NETO2: variants seen among roughly 807,000 people sequenced by gnomAD.
NETO2 encodes the protein neuropilin and tolloid-like protein 2.
Under a neutral mutation model 62.5 loss-of-function variants are expected in NETO2, and 28 were observed. The observed-to-expected ratio is 0.45, with a 90% CI of 0.33 to 0.61. The LOEUF is 0.61. NETO2 is among the 20% of genes least tolerant of loss of function. The pLI is 0.02. For missense variants in NETO2, 548 were observed against 643.2 expected (o/e 0.85, Z 1.60); for synonymous variants, 214 against 219.1 (o/e 0.98, Z 0.21).
At chr16:47,111,671 T>C (rs1896929640) in intron 6 of NETO2, among the ~76,000 whole-genome samples, 1 of 152,166 alleles carries the variant, frequency 6.6e-6, no homozygotes, top group South Asian at 2.1e-4. Flanking sequence ...TGGTTTCTTT[T>C]TCCCTCCCCT....
At chr16:47,086,432 T>G in intron 7 of NETO2, 93 bp from the exon 8 acceptor site, 1 of 755,074 alleles carries the variant, frequency 1.3e-6, no homozygotes, top group Non-Finnish European at 2.3e-6. Context: ...AGTACTTTCT[T>G]ACCGCAAAGG....
chr16:47,141,244 G>C (rs138850945), intron 1 of NETO2, among the ~76,000 whole-genome samples: 66 of 152,266 alleles, frequency 4.3e-4, no homozygotes, highest in African/African-American at 1.5e-3. Context: ...CAAGGCTTCT[G>C]TGGGTAATAT....
At chr16:47,089,746 T>G (rs1963274486) in intron 7 of NETO2, among the ~76,000 whole-genome samples, 1 of 152,194 alleles carries the variant, frequency 6.6e-6, no homozygotes, top group African/African-American at 2.4e-5. Context: ...AATTAGCTAG[T>G]GCACCTACTT....
At position 47,111,977 on chromosome 16, in the gene NETO2, C is replaced by T. The variant is rs574440554; in HGVS notation, c.655-2266G>A. Among the ~76,000 whole-genome samples the T allele has an allele frequency of 6.8e-4, 103 of 152,314 alleles. 1 individual carries two copies. The highest frequency in any genetic ancestry group is 2.4e-3 in the African/African-American group (98 of 41,564). ...AAGACCCCAACAGAAATGAAATCCC[C>T]AGAAAGCTACTATCATGAAAAGGCC... On this transcript the variant is annotated intron_variant, in intron 6 of 8. Transcript: ENST00000562435.
chr16:47,143,064 G>A (rs953875844), intron 1 of NETO2, among the ~76,000 whole-genome samples: 2 of 151,940 alleles, frequency 1.3e-5, no homozygotes, highest in Non-Finnish European at 2.9e-5. Flanking sequence ...GACCCGGCTG[G>A]CCCAGCAGGC....
At chr16:47,130,454 AAAT>A (rs959301817) in intron 2 of NETO2, among the ~76,000 whole-genome samples, 2 of 150,632 alleles carry the variant, frequency 1.3e-5, no homozygotes, top group Non-Finnish European at 3.0e-5. Flanking sequence ...ATAAATAAAT[AAAT>A]AATAATAATA....
intron 6 of NETO2, 58 bp downstream of exon 6, chr16:47,122,599 T>C: frequency 6.4e-7 from 1 of 1,568,404 alleles, no homozygotes; most frequent in Non-Finnish European, 8.6e-7. Context: ...TTACACATTT[T>C]GCAAATCATG....
rs530360556 is a variant in NETO2 at position 47,090,117 on chromosome 16, C to A, written c.884-3778G>T. Reference sequence around the variant, plus strand: ...TCTACAGAACATCATGTGACCCCCCCCTTTGATGGCTCTTTATAACTTCAA... The same window carrying A: ...TCTACAGAACATCATGTGACCCCCCACTTTGATGGCTCTTTATAACTTCAA... On this transcript the variant is annotated intron_variant, in intron 7 of 8. Transcript: ENST00000562435. Among the ~76,000 whole-genome samples the A allele has an allele frequency of 1.7e-3, 256 of 152,206 alleles. 1 individual carries two copies. Among genetic ancestry groups the A allele is most frequent in the Middle Eastern group, 3.4e-3 (1 of 294 alleles).
At chr16:47,095,199 T>C (rs1963404592) in intron 7 of NETO2, among the ~76,000 whole-genome samples, 2 of 151,930 alleles carry the variant, frequency 1.3e-5, no homozygotes, top group Non-Finnish European at 2.9e-5. Flanking sequence ...CATAAGAACA[T>C]ATCTATAAAA....
At chr16:47,136,691 T>A (rs866243293) in intron 1 of NETO2, among the ~76,000 whole-genome samples, 70 of 152,170 alleles carry the variant, frequency 4.6e-4, no homozygotes, top group African/African-American at 1.6e-3. Flanking sequence ...CAGGCATGAG[T>A]CACCACACCC....
chr16:47,121,562 GA>G (rs979476236), intron 6 of NETO2, among the ~76,000 whole-genome samples: 4 of 152,166 alleles, frequency 2.6e-5, no homozygotes, highest in Non-Finnish European at 5.9e-5. Flanking sequence ...ACTAAACCCA[GA>G]AAAACAAGCT....
At chr16:47,129,440 A>T in intron 2 of NETO2, 76 bp from the exon 3 acceptor site, 1 of 1,459,546 alleles carries the variant, frequency 6.9e-7, no homozygotes, top group Non-Finnish European at 9.5e-7. Context: ...ACCACTTTCC[A>T]AACGATTGCT....
chr16:47,105,312 T>G (rs1047133959), intron 7 of NETO2, among the ~76,000 whole-genome samples: 2 of 152,134 alleles, frequency 1.3e-5, no homozygotes, highest in Non-Finnish European at 1.5e-5. Flanking sequence ...GTTGGAGCCT[T>G]AACTTACACT....
intron 1 of NETO2, among the ~76,000 whole-genome samples, chr16:47,136,065 T>G (rs1316603743): frequency 1.3e-5 from 2 of 152,218 alleles, no homozygotes; most frequent in Non-Finnish European, 2.9e-5. Context: ...TTAATCAAAC[T>G]CTTAGTGGGT....
intron 6 of NETO2, among the ~76,000 whole-genome samples, chr16:47,114,927 C>T (rs1963879324): frequency 6.6e-6 from 1 of 152,122 alleles, no homozygotes; most frequent in African/African-American, 2.4e-5. Flanking sequence ...GCAACACCTA[C>T]ACTCAACAGG....
chr16:47,101,493 T>C (rs891115581), intron 7 of NETO2, among the ~76,000 whole-genome samples: 43 of 152,190 alleles, frequency 2.8e-4, no homozygotes, highest in African/African-American at 1.0e-3. Context: ...GGAAGTTAAA[T>C]TGTCTCTGTT....
At chr16:47,110,552 A>C (rs1398080045) in intron 6 of NETO2, among the ~76,000 whole-genome samples, 2 of 152,152 alleles carry the variant, frequency 1.3e-5, no homozygotes, top group African/African-American at 2.4e-5. Context: ...TCTGACTCTA[A>C]ATGTGCGTCC....
intron 7 of NETO2, among the ~76,000 whole-genome samples, chr16:47,089,468 A>G (rs1963267943): frequency 6.6e-6 from 1 of 152,368 alleles, no homozygotes; most frequent in Non-Finnish European, 1.5e-5. Context: ...GAGACTATGC[A>G]ATCAGTGGTC....
chr16:47,087,713 T>A (rs1346836820), intron 7 of NETO2, among the ~76,000 whole-genome samples: 3 of 152,210 alleles, frequency 2.0e-5, no homozygotes, highest in Non-Finnish European at 4.4e-5. Flanking sequence ...CCTACTTGTA[T>A]AAATTGTTCT....
Sources: allele counts gnomAD v4.1 joint callset (sites outside exome capture counted in the v4.1 genomes callset), GRCh38; gene constraint gnomAD v4.1.1; transcripts MANE v1.5; gene names NCBI Gene and HGNC (gene_info 2026-07-23, HGNC 2026-07-21).